PSG3: variants seen among roughly 807,000 people sequenced by gnomAD.
PSG3 encodes pregnancy-specific beta-1-glycoprotein 3.
PSG3 carries 61 observed loss-of-function variants against 47.5 expected under a neutral mutation model. The observed-to-expected ratio is 1.28, with a 90% CI of 1.05 to 1.59. The LOEUF (loss-of-function observed/expected upper bound fraction) is 1.59, where lower values mean the gene tolerates loss of function less well. Ranked by LOEUF, PSG3 falls within the 40% of genes most tolerant of loss-of-function variation. The pLI, the probability that PSG3 is intolerant of heterozygous loss-of-function variation, is 0.00. For missense variants in PSG3, 756 were observed against 524.0 expected, an observed-to-expected ratio of 1.44 and a Z score of -4.32; for synonymous variants, 263 against 198.4, an observed-to-expected ratio of 1.33 and a Z score of -2.74.
chr19:42,736,822 C>G (rs1291434555), intron 2 of PSG3, among the ~76,000 whole-genome samples: 2 of 152,126 alleles, frequency 1.3e-5, no homozygotes, highest in African/African-American at 2.4e-5. Context: ...GACATTGGCT[C>G]TAGAGGAAGC....
chr19:42,729,644 G>A (rs1258772292), intron 4 of PSG3, 134 bp downstream of exon 4: 2 of 1,535,474 alleles, frequency 1.3e-6, no homozygotes, highest in African/African-American at 2.8e-5. Flanking sequence ...CCCAGGGCAG[G>A]AAGTTATGGC....
At chr19:42,739,730 T>C (rs1217515297) in intron 1 of PSG3, among the ~76,000 whole-genome samples, 2 of 152,232 alleles carry the variant, frequency 1.3e-5, no homozygotes, top group Admixed American at 6.5e-5. Context: ...ATGCCCTGCT[T>C]ATATTTTTAT....
rs1969428533 is a variant in PSG3 at position 42,729,268 on chromosome 19, C to T, written c.1098G>A (p.Trp366Ter). ...ATAGCTGAAACTTCCCATTAATTGT[C>T]CAAGAATATTCTGCTGGTGGGTTAG... ...ADSNPPAEYS[W>*]TINGKFQLSG... The change falls in exon 5 of 7, where the codon TGG (tryptophan) becomes TGA (stop). Residue 366 changes from tryptophan to a stop codon, truncating the protein, a stop_gained. Transcript: ENST00000327495. LOFTEE classifies it high-confidence loss of function. 1 of 1,613,938 alleles carries T rather than the reference C, an allele frequency of 6.2e-7. No individual in the cohort carries two copies. The highest frequency in any genetic ancestry group is 1.3e-5 in the African/African-American group (1 of 74,908).
At chr19:42,728,271 T>A (rs1280407917) in intron 5 of PSG3, among the ~76,000 whole-genome samples, 1 of 152,202 alleles carries the variant, frequency 6.6e-6, no homozygotes, top group African/African-American at 2.4e-5. Context: ...ATATATAAAG[T>A]GTCCAGTAGT....
Position 42,740,351 on chromosome 19 carries a change from G to A in PSG3, c.34C>T (p.Arg12Cys), listed in dbSNP as rs188987120. ...AGCAGGAGCCCCTTCCAGGTGATGC[G>A]CTGTGTGCAGGGAGGGGCTGAGAGG... ...GPLSAPPCTQ[R>C]ITWKGLLLTA... Residue 12 changes from arginine (R) to cysteine (C), a missense_variant, in exon 1 of 7, where the codon CGC (arginine) becomes TGC (cysteine). Coordinates refer to ENST00000327495, the MANE Select transcript of PSG3 (RefSeq NM_021016.4). The A allele has an allele frequency of 2.2e-5, 35 of 1,613,964 alleles. No individual in the cohort carries two copies. Among genetic ancestry groups the A allele is most frequent in the East Asian group, 8.9e-5 (4 of 44,870 alleles).
chr19:42,723,033 C>A (rs1449574318), intron 6 of PSG3, among the ~76,000 whole-genome samples: 2 of 152,184 alleles, frequency 1.3e-5, no homozygotes, highest in Non-Finnish European at 2.9e-5. Flanking sequence ...TTGTGGCATT[C>A]AATTTTTTCT....
At chr19:42,735,465 C>T (rs1460687489) in intron 2 of PSG3, among the ~76,000 whole-genome samples, 1 of 152,090 alleles carries the variant, frequency 6.6e-6, no homozygotes, top group Non-Finnish European at 1.5e-5. Flanking sequence ...CTCCTGGGTT[C>T]ATGCCATTCT....
intron 2 of PSG3, among the ~76,000 whole-genome samples, chr19:42,734,427 C>G (rs138647263): frequency 0.025 from 3,757 of 152,012 alleles, 59 homozygotes; most frequent in African/African-American, 0.029. Context: ...TCTGGATTTC[C>G]GATGCTCAAT....
intron 2 of PSG3, among the ~76,000 whole-genome samples, chr19:42,736,884 G>A (rs942564127): frequency 1.3e-5 from 2 of 152,140 alleles, no homozygotes; most frequent in Non-Finnish European, 2.9e-5. Context: ...TATTTCCTGG[G>A]AGGTGGGCCA....
intron 5 of PSG3, among the ~76,000 whole-genome samples, 181 bp downstream of exon 5, chr19:42,728,942 C>T (rs1969418522): frequency 1.3e-5 from 2 of 152,070 alleles, no homozygotes; most frequent in South Asian, 2.1e-4. Flanking sequence ...CATGAGAAAA[C>T]AGAAAAACAA....
At chr19:42,725,106 A>C (rs931137722) in intron 5 of PSG3, among the ~76,000 whole-genome samples, 7 of 152,070 alleles carry the variant, frequency 4.6e-5, no homozygotes, top group African/African-American at 2.4e-5. Context: ...GGACTATTTG[A>C]CCTCTAGGCT....
intron 2 of PSG3, among the ~76,000 whole-genome samples, chr19:42,737,139 C>G (rs750938729): frequency 1.3e-5 from 2 of 152,042 alleles, no homozygotes; most frequent in Non-Finnish European, 2.9e-5. Context: ...AGTCCAGGAC[C>G]AAGGAGCCCT....
In PSG3 at chr19:42,723,949, T is replaced by A; in HGVS notation, c.*33A>T. On this transcript the variant is annotated 3_prime_UTR_variant, in exon 6 of 7. Transcript: ENST00000327495. ...GAGGAAAGGTCATCATACCTGCCAG[T>A]CTTCCTGAAATACAGAAATGACATC... is the stretch of plus-strand genomic sequence containing the variant. 6 of 1,587,814 alleles carry A rather than the reference T, an allele frequency of 3.8e-6. No homozygotes were observed. The highest frequency in any genetic ancestry group is 4.3e-6 in the Non-Finnish European group (5 of 1,156,104).
intron 5 of PSG3, among the ~76,000 whole-genome samples, chr19:42,724,569 A>G (rs891672081): frequency 3.3e-5 from 5 of 152,176 alleles, no homozygotes; most frequent in African/African-American, 1.2e-4. Flanking sequence ...AGGATTCCCC[A>G]TCAGCCTTGC....
At chr19:42,738,542 G>A (rs1969604893) in intron 2 of PSG3, among the ~76,000 whole-genome samples, 182 bp downstream of exon 2, 1 of 152,194 alleles carries the variant, frequency 6.6e-6, no homozygotes, top group South Asian at 2.1e-4. Flanking sequence ...TCTGGATGCG[G>A]GAAAGGAATT....
At chr19:42,739,884 C>G (rs148115384) in intron 1 of PSG3, among the ~76,000 whole-genome samples, 1 of 152,114 alleles carries the variant, frequency 6.6e-6, no homozygotes, top group South Asian at 2.1e-4. Context: ...TGACCCCTGT[C>G]CCTCTTGGGT....
chr19:42,729,426 G>T (rs775315840), intron 4 of PSG3, 49 bp from the exon 5 acceptor site: 1 of 1,577,172 alleles, frequency 6.3e-7, no homozygotes, highest in South Asian at 1.2e-5. Flanking sequence ...GAGGGAAGGG[G>T]ATGCTCCTGG....
At chr19:42,739,856 C>CA (rs766296697) in intron 1 of PSG3, among the ~76,000 whole-genome samples, 10 of 152,246 alleles carry the variant, frequency 6.6e-5, no homozygotes, top group East Asian at 3.9e-4. Context: ...AATTCTGGTT[C>CA]CTGTGACTTT....
At position 42,729,143 on chromosome 19, in the gene PSG3, G is replaced by T. The variant is rs374603147; in HGVS notation, c.1223C>A (p.Ser408Tyr). The T allele has an allele frequency of 1.4e-5, 22 of 1,613,900 alleles. No homozygotes were observed. Among genetic ancestry groups the T allele is most frequent in the Non-Finnish European group, 1.7e-5 (20 of 1,179,880 alleles). The change falls in exon 5 of 7, where the codon TCC (serine) becomes TAC (tyrosine). Residue 408 changes from serine (S) to tyrosine (Y), a missense_variant. By Grantham distance (144) the Ser-to-Tyr change is moderately radical. Transcript: ENST00000327495. Reference sequence around the variant, plus strand: ...CTTACCAGAGACTTTGACTGTCATGGATTTGGAGCTTTCCATGCCAGTGGC... The same window carrying T: ...CTTACCAGAGACTTTGACTGTCATGTATTTGGAGCTTTCCATGCCAGTGGC... ...NSATGMESSK[S>Y]MTVKVSAPSG...
Sources: allele counts gnomAD v4.1 joint callset (sites outside exome capture counted in the v4.1 genomes callset), GRCh38; gene constraint gnomAD v4.1.1; transcripts MANE v1.5; gene names NCBI Gene and HGNC (gene_info 2026-07-23, HGNC 2026-07-21).